The following RPS6KL1 variants were observed in gnomAD, a reference collection of about 807,000 sequenced individuals.
RPS6KL1 encodes ribosomal protein S6 kinase like 1, also known as ribosomal protein S6 kinase-like 1.
RPS6KL1 carries 41 observed loss-of-function variants against 57.0 expected under a neutral mutation model. That is an observed-to-expected ratio of 0.72 (90% CI 0.56 to 0.93). The LOEUF is 0.93. RPS6KL1 is among the 40% of genes least tolerant of loss of function. The probability of loss-of-function intolerance (pLI) is 0.00; values close to 1 mark genes in which losing one functional copy is unlikely to be tolerated. For missense variants in RPS6KL1, 697 were observed against 727.7 expected (o/e 0.96, Z 0.49); for synonymous variants, 287 against 309.7 (o/e 0.93, Z 0.77).
chr14:74,917,201 A>T (rs889217200), intron 5 of RPS6KL1, among the ~76,000 whole-genome samples: 1 of 152,240 alleles, frequency 6.6e-6, no homozygotes, highest in Non-Finnish European at 1.5e-5. Flanking sequence ...GCACGTACTC[A>T]GTGTCACAGC....
chr14:74,917,170 A>G (rs1886993350), intron 5 of RPS6KL1, among the ~76,000 whole-genome samples: 1 of 152,218 alleles, frequency 6.6e-6, no homozygotes, highest in Non-Finnish European at 1.5e-5. Context: ...CACTCCTGTC[A>G]CTTGTATTTA....
chr14:74,915,244 CTACTG>C (rs1351260243), intron 5 of RPS6KL1, among the ~76,000 whole-genome samples: 2 of 152,154 alleles, frequency 1.3e-5, no homozygotes, highest in Non-Finnish European at 2.9e-5. Context: ...TGCCTAGTGA[CTACTG>C]TGTTGAACAG....
chr14:74,909,284 G>C lies in RPS6KL1; in HGVS notation c.1271-94C>G, dbSNP rs1264908809. On this transcript the variant is annotated intron_variant, in intron 8 of 11. Transcript: ENST00000557413. ...GGCTTCCCCCAACAGTCATGCGGTA[G>C]GAGCCAATGGCCTTGCTGGGCAGAA... is the stretch of plus-strand genomic sequence containing the variant. The C allele has an allele frequency of 4.0e-6, 5 of 1,264,482 alleles. No homozygotes were observed. In the Admixed American group the frequency reaches 7.5e-5, roughly 19 times the overall value. 78.3% of individuals were successfully genotyped at this position (1,264,482 alleles called of 1,614,324 possible).
intron 3 of RPS6KL1, 40 bp downstream of exon 3, chr14:74,921,237 T>G: frequency 1.0e-5 from 9 of 884,718 alleles, no homozygotes; most frequent in Non-Finnish European, 1.3e-5. Context: ...GCACTGGCCC[T>G]TCCCCACCCA....
At chr14:74,908,774 G>A (rs914513999) in intron 10 of RPS6KL1, 76 bp downstream of exon 10, 4 of 1,320,526 alleles carry the variant, frequency 3.0e-6, no homozygotes, top group African/African-American at 2.9e-5. Context: ...GCCCAGACTG[G>A]CTGGATGGAC....
rs1184382851 is a variant in RPS6KL1 at position 74,919,819 on chromosome 14, C to T, written c.390+26G>A. 14 of 1,581,278 alleles carry T rather than the reference C, an allele frequency of 8.9e-6. No individual in the cohort carries two copies. The South Asian group carries it at 1.2e-4, about 14-fold the overall frequency. On this transcript the variant is annotated intron_variant, in intron 4 of 11. Coordinates refer to ENST00000557413, the MANE Select transcript of RPS6KL1 (RefSeq NM_031464.5). ...CCTCAGAGCCCTCCTCCCGCTCAGG[C>T]CTTTGGGTGGGGGGGGTCTCCTCAC...
chr14:74,911,667 A>C, intron 6 of RPS6KL1, 127 bp downstream of exon 6: 1 of 900,134 alleles, frequency 1.1e-6, no homozygotes, highest in African/African-American at 1.7e-5. Flanking sequence ...GGGCATGTTC[A>C]GGCAGAACAA....
intron 10 of RPS6KL1, 50 bp downstream of exon 10, chr14:74,908,800 C>A: frequency 6.5e-7 from 1 of 1,534,590 alleles, no homozygotes; most frequent in East Asian, 2.2e-5. Context: ...CTGGCCCATC[C>A]CACACTCAGT....
At chr14:74,918,055 G>A (rs1356079172) in intron 5 of RPS6KL1, among the ~76,000 whole-genome samples, 1 of 152,178 alleles carries the variant, frequency 6.6e-6, no homozygotes, top group Non-Finnish European at 1.5e-5. Flanking sequence ...GATCTGAGCT[G>A]CAGGGCTGTG....
Position 74,919,837 on chromosome 14 carries a change from C to T in RPS6KL1, c.390+8G>A. The T allele has an allele frequency of 1.3e-6, 2 of 1,579,206 alleles. No individual in the cohort carries two copies. The highest frequency in any genetic ancestry group is 2.2e-5 in the East Asian group (1 of 44,656). On this transcript the variant is annotated splice_region_variant and intron_variant, in intron 4 of 11. Transcript: ENST00000557413. ...GCTCAGGCCTTTGGGTGGGGGGGGT[C>T]TCCTCACCGCGCTGGGGCTGGCTCC...
At chr14:74,908,097 C>T (rs1321148187) in intron 10 of RPS6KL1, among the ~76,000 whole-genome samples, 1 of 152,132 alleles carries the variant, frequency 6.6e-6, no homozygotes, top group Non-Finnish European at 1.5e-5. Context: ...GAGAGAGCCA[C>T]TCTGGGGGAA....
rs1297155735 is a variant in RPS6KL1, at chr14:74,908,758, GTC to G, written c.1443+90_1443+91del. 11 of 1,150,680 alleles carry G rather than the reference GTC, an allele frequency of 9.6e-6. No homozygotes were observed. In the Admixed American group the frequency reaches 1.7e-4, roughly 18 times the overall value. The allele number at this position is 1,150,680 out of a possible 1,614,324, so 71.3% of individuals were successfully genotyped here. A position where few individuals can be genotyped will look rare whatever the true frequency, so the allele number is the denominator to read the frequency against. On this transcript the variant is annotated intron_variant, in intron 10 of 11. Coordinates refer to ENST00000557413, the MANE Select transcript of RPS6KL1 (RefSeq NM_031464.5). ...GTTGTGCTGGTAGGACAGCCAGGCAGTCTCTGCCCAGACTGGCTGGATGGACT... is the reference window on the plus strand; with the variant it reads ...GTTGTGCTGGTAGGACAGCCAGGCAGTCTGCCCAGACTGGCTGGATGGACT...
chr14:74,920,580 G>A (rs1020579463), intron 3 of RPS6KL1, among the ~76,000 whole-genome samples: 2 of 152,196 alleles, frequency 1.3e-5, no homozygotes, highest in Non-Finnish European at 2.9e-5. Flanking sequence ...CTCCCCTCTC[G>A]CCTCTAGGCC....
chr14:74,916,965 C>T (rs1397633812), intron 5 of RPS6KL1, among the ~76,000 whole-genome samples: 2 of 152,250 alleles, frequency 1.3e-5, no homozygotes, highest in Non-Finnish European at 2.9e-5. Flanking sequence ...TGTCAGTCAC[C>T]TCCCGGCCAG....
chr14:74,911,349 TC>T lies in RPS6KL1; in HGVS notation c.562del (p.Glu188SerfsTer3). ...SLPRCHMVSR[E>X]RLTIIPHGVP... Reference sequence around the variant, plus strand: ...TCCGTGTGGGATGATGGTCAGCCGCTCCCTGCTCACCATGTGGCACCTGGGT... The same window carrying T: ...TCCGTGTGGGATGATGGTCAGCCGCTCCTGCTCACCATGTGGCACCTGGGT... On this transcript the variant is annotated frameshift_variant, in exon 7 of 12. Coordinates refer to ENST00000557413, the MANE Select transcript of RPS6KL1 (RefSeq NM_031464.5). LOFTEE classifies it high-confidence loss of function. 1 of 1,609,824 alleles carries T rather than the reference TC, an allele frequency of 6.2e-7. No homozygotes were observed. Among genetic ancestry groups the T allele is most frequent in the Non-Finnish European group, 8.5e-7 (1 of 1,179,632 alleles).
chr14:74,918,482 C>T (rs566429143), intron 5 of RPS6KL1, 31 bp downstream of exon 5: 1 of 1,464,672 alleles, frequency 6.8e-7, no homozygotes, highest in East Asian at 2.5e-5. Flanking sequence ...ACACTGTCTC[C>T]CTCCTGCAAG....
chr14:74,918,994 G>A (rs929458672), intron 4 of RPS6KL1, among the ~76,000 whole-genome samples: 1 of 152,190 alleles, frequency 6.6e-6, no homozygotes, highest in African/African-American at 2.4e-5. Flanking sequence ...TGGCCAACAT[G>A]GTGAAACCCT....
At position 74,921,487 on chromosome 14, in the gene RPS6KL1, A is replaced by G. The variant is rs1250113654; in HGVS notation, c.55T>C (p.Cys19Arg). ...TGAGCTTGGGACCGTGCTCGTGAGC[A>G]AGGCTCAGGCTCCAGGCCGGGGCTG... ...LPSPGLEPEP[C>R]SRARSQAHVY... Residue 19 changes from cysteine (C) to arginine (R), a missense_variant, in exon 3 of 12, where the codon TGC becomes CGC. Transcript: ENST00000557413. 2 of 1,613,974 alleles carry G rather than the reference A, an allele frequency of 1.2e-6. No individual in the cohort carries two copies. The highest frequency in any genetic ancestry group is 2.7e-5 in the African/African-American group (2 of 74,944).
rs896592166 is a variant in RPS6KL1, at chr14:74,904,481, T to C, written c.*2533A>G. ...TTTCAGGTTAACTTTGGAATACCCT[T>C]GACTGAGACGAGGGGTCCATACAGA... On this transcript the variant is annotated 3_prime_UTR_variant, in exon 12 of 12. Coordinates refer to ENST00000557413, the MANE Select transcript of RPS6KL1 (RefSeq NM_031464.5). 1.3e-5 allele frequency: 2 copies of C among 152,240 alleles called. No individual in the cohort carries two copies. Among genetic ancestry groups the C allele is most frequent in the African/African-American group, 4.8e-5 (2 of 41,450 alleles). 9.4% of individuals were successfully genotyped at this position (152,240 alleles called of 1,614,324 possible). A position where few individuals can be genotyped will look rare whatever the true frequency, so the allele number is the denominator to read the frequency against.
Sources: allele counts gnomAD v4.1 joint callset (sites outside exome capture counted in the v4.1 genomes callset), GRCh38; gene constraint gnomAD v4.1.1; transcripts MANE v1.5; gene names NCBI Gene and HGNC (gene_info 2026-07-23, HGNC 2026-07-21).